The following C16orf87 variants were observed in gnomAD, a reference collection of about 807,000 sequenced individuals.
C16orf87 encodes HDAC and MIER1 interacting protein 1.
C16orf87 carries 13 observed loss-of-function variants against 21.0 expected under a neutral mutation model. The ratio of observed to expected loss-of-function variants is 0.62; its 90% CI spans 0.40 to 0.98. The LOEUF (loss-of-function observed/expected upper bound fraction) is 0.98, where lower values mean the gene tolerates loss of function less well. Among genes scored for constraint, C16orf87 ranks in the 50% least tolerant of loss-of-function variants. The pLI, the probability that C16orf87 is intolerant of heterozygous loss-of-function variation, is 0.00. For synonymous variants in C16orf87, 49 were observed against 60.2 expected, an observed-to-expected ratio of 0.81 and a Z score of 0.86; for missense variants, 113 against 180.4, an observed-to-expected ratio of 0.63 and a Z score of 2.14.
chr16:46,830,434 G>T (rs1020224290), intron 1 of C16orf87, among the ~76,000 whole-genome samples: 1 of 152,172 alleles, frequency 6.6e-6, no homozygotes, highest in Non-Finnish European at 1.5e-5. Flanking sequence ...GGCTTAAACA[G>T]GGGCTTTATT....
chr16:46,818,151 T>TAG lies in C16orf87; in HGVS notation c.163+6233_163+6234dup, dbSNP rs148836794. 5.7e-3 allele frequency among the ~76,000 whole-genome samples: 868 copies of TAG among 152,146 alleles called. 6 individuals are homozygous for TAG. Among genetic ancestry groups the TAG allele is most frequent in the Non-Finnish European group, 9.4e-3 (638 of 67,988 alleles). On this transcript the variant is annotated intron_variant, in intron 2 of 3. Transcript: ENST00000285697. ...TCAGCCTCTCAAAGTGCTGGGATTATAGGCATGAGTCACCGCCCCTGGCCA... is the reference window on the plus strand; with the variant it reads ...TCAGCCTCTCAAAGTGCTGGGATTATAGAGGCATGAGTCACCGCCCCTGGCCA...
intron 1 of C16orf87, among the ~76,000 whole-genome samples, chr16:46,830,020 G>C (rs1378041760): frequency 6.6e-6 from 1 of 151,768 alleles, no homozygotes; most frequent in African/African-American, 2.4e-5. Flanking sequence ...AACACACCCA[G>C]ATCTACATGT....
intron 2 of C16orf87, among the ~76,000 whole-genome samples, chr16:46,812,117 G>A (rs572641656): frequency 6.6e-6 from 1 of 152,034 alleles, no homozygotes; most frequent in Non-Finnish European, 1.5e-5. Context: ...GGTGGTGTGC[G>A]CCTGTAGTCC....
chr16:46,818,335 A>G (rs1346434350), intron 2 of C16orf87, among the ~76,000 whole-genome samples: 2 of 152,210 alleles, frequency 1.3e-5, no homozygotes, highest in Non-Finnish European at 2.9e-5. Context: ...TCCCTTAACT[A>G]AAAGTGAACT....
intron 2 of C16orf87, among the ~76,000 whole-genome samples, chr16:46,824,079 A>G (rs948790461): frequency 6.6e-6 from 1 of 152,208 alleles, no homozygotes; most frequent in African/African-American, 2.4e-5. Context: ...TTATTACTAA[A>G]GCTATTTTTT....
intron 1 of C16orf87, among the ~76,000 whole-genome samples, chr16:46,830,373 A>G (rs1188104787): frequency 3.9e-5 from 6 of 151,918 alleles, no homozygotes. Context: ...AATTTGTAAC[A>G]GTGGATACTG....
At chr16:46,828,527 G>A (rs1467348526) in intron 1 of C16orf87, among the ~76,000 whole-genome samples, 3 of 152,062 alleles carry the variant, frequency 2.0e-5, no homozygotes, top group Non-Finnish European at 4.4e-5. Context: ...AAAGGACTGT[G>A]GTTTAAGATG....
chr16:46,807,573 T>A (rs529566969), intron 3 of C16orf87, among the ~76,000 whole-genome samples: 3 of 152,326 alleles, frequency 2.0e-5, no homozygotes, highest in South Asian at 4.1e-4. Flanking sequence ...GCTTTCCAGC[T>A]ACAATGGCAG....
chr16:46,801,193 T>C lies in C16orf87; in HGVS notation c.*1759A>G, dbSNP rs1327263301. The C allele has an allele frequency of 6.6e-6, 1 of 152,182 alleles. No homozygotes were observed. The highest frequency in any genetic ancestry group is 2.1e-4 in the South Asian group (1 of 4,830). The allele number at this position is 152,182 out of a possible 1,614,324, so 9.4% of individuals were successfully genotyped here. A position where few individuals can be genotyped will look rare whatever the true frequency, so the allele number is the denominator to read the frequency against. On this transcript the variant is annotated 3_prime_UTR_variant, in exon 4 of 4. Transcript: ENST00000285697. ...TCAAAGATAAAATCACATTACATTA[T>C]TGGGGAAACTACTAGTTAAGACTCT...
intron 2 of C16orf87, among the ~76,000 whole-genome samples, chr16:46,817,916 C>CAAAAAAAAA (rs1056745014): frequency 4.5e-3 from 304 of 68,172 alleles, no homozygotes; most frequent in East Asian, 6.0e-3. Context: ...CATCAAAAAG[C>CAAAAAAAAA]AAAAAAAAAA....
chr16:46,815,356 G>C (rs1205898188), intron 2 of C16orf87, among the ~76,000 whole-genome samples: 2 of 149,618 alleles, frequency 1.3e-5, no homozygotes, highest in African/African-American at 4.9e-5. Context: ...GATACCAAAA[G>C]CGAAAGCAAA....
chr16:46,823,174 A>T (rs1480674189), intron 2 of C16orf87, among the ~76,000 whole-genome samples: 3 of 152,186 alleles, frequency 2.0e-5, no homozygotes, highest in Admixed American at 6.5e-5. Flanking sequence ...AATCAAAAGT[A>T]GCCTTCCAGT....
chr16:46,819,120 C>T (rs942281423), intron 2 of C16orf87, among the ~76,000 whole-genome samples: 3 of 152,238 alleles, frequency 2.0e-5, no homozygotes, highest in Non-Finnish European at 2.9e-5. Flanking sequence ...CCCACTCCCA[C>T]GCTGTACTTT....
At chr16:46,803,628 A>G (rs1340666733) in intron 3 of C16orf87, among the ~76,000 whole-genome samples, 1 of 151,902 alleles carries the variant, frequency 6.6e-6, no homozygotes, top group African/African-American at 2.4e-5. Flanking sequence ...CTTTTTCAGG[A>G]TCCCCTGATT....
At chr16:46,826,430 G>A (rs553335282) in intron 1 of C16orf87, among the ~76,000 whole-genome samples, 11 of 152,156 alleles carry the variant, frequency 7.2e-5, no homozygotes, top group Non-Finnish European at 1.6e-4. Context: ...TTAAAATTAT[G>A]AAGCTTTTTA....
intron 1 of C16orf87, among the ~76,000 whole-genome samples, chr16:46,827,485 T>C (rs1469216127): frequency 6.6e-6 from 1 of 152,222 alleles, no homozygotes; most frequent in Non-Finnish European, 1.5e-5. Flanking sequence ...ATTCAAAGTA[T>C]TGTTTACTGA....
At chr16:46,805,940 AC>A (rs753024901) in intron 3 of C16orf87, among the ~76,000 whole-genome samples, 7 of 152,232 alleles carry the variant, frequency 4.6e-5, no homozygotes, top group Non-Finnish European at 7.3e-5. Context: ...CCTGATCTTA[AC>A]ATGGTATCCT....
At chr16:46,823,061 G>A (rs1959481403) in intron 2 of C16orf87, among the ~76,000 whole-genome samples, 1 of 152,088 alleles carries the variant, frequency 6.6e-6, no homozygotes, top group Non-Finnish European at 1.5e-5. Context: ...ATTTCCATCT[G>A]TCAAGAATGT....
rs1967711613 is a variant in C16orf87, at chr16:46,799,518, A to C, written c.*3434T>G. 1 of 152,222 alleles carries C rather than the reference A, an allele frequency of 6.6e-6. No individual in the cohort carries two copies. Among genetic ancestry groups the C allele is most frequent in the African/African-American group, 2.4e-5 (1 of 41,456 alleles). The allele number at this position is 152,222 out of a possible 1,614,324, so 9.4% of individuals were successfully genotyped here. A position where few individuals can be genotyped will look rare whatever the true frequency, so the allele number is the denominator to read the frequency against. Reference sequence around the variant, plus strand: ...TAACTAGCAAGAATATAAGGCATCAAACCAAACTAGAAGGTAAAGTGGAAA... The same window carrying C: ...TAACTAGCAAGAATATAAGGCATCACACCAAACTAGAAGGTAAAGTGGAAA... On this transcript the variant is annotated 3_prime_UTR_variant, in exon 4 of 4. Coordinates refer to ENST00000285697, the MANE Select transcript of C16orf87 (RefSeq NM_001001436.4).
Sources: gnomAD v4.1 joint callset for allele counts (sites outside exome capture counted in the v4.1 genomes callset) on GRCh38, gnomAD v4.1.1 for gene constraint, MANE v1.5 for transcripts, NCBI Gene and HGNC (gene_info 2026-07-23, HGNC 2026-07-21) for gene names.